Variants in SIPA1L3 observed in about 807,000 individuals in gnomAD.
SIPA1L3 encodes signal-induced proliferation-associated 1-like protein 3.
A neutral mutation model predicts 150.1 loss-of-function variants in SIPA1L3; 59 were observed. That is an observed-to-expected ratio of 0.39 (90% CI 0.32 to 0.49). The LOEUF is 0.49. SIPA1L3 is among the 20% of genes least tolerant of loss of function. The probability of loss-of-function intolerance (pLI) is 0.86; values close to 1 mark genes in which losing one functional copy is unlikely to be tolerated. For missense variants in SIPA1L3, 2,211 were observed against 2,489.5 expected (o/e 0.89, Z 2.38); for synonymous variants, 1,070 against 1,077.6 (o/e 0.99, Z 0.14).
At chr19:37,952,425 C>G (rs1029748435) in intron 1 of SIPA1L3, among the ~76,000 whole-genome samples, 1 of 152,178 alleles carries the variant, frequency 6.6e-6, no homozygotes, top group Non-Finnish European at 1.5e-5. Context: ...GTAATCCTAG[C>G]ACTTTGGGAT....
chr19:38,201,654 C>T (rs1037171829), intron 19 of SIPA1L3, among the ~76,000 whole-genome samples: 12 of 152,192 alleles, frequency 7.9e-5, no homozygotes, highest in African/African-American at 2.4e-4. Flanking sequence ...AAGCCTCGAT[C>T]GGAATCAGGA....
chr19:38,005,914 A>G (rs1967928459), intron 1 of SIPA1L3, among the ~76,000 whole-genome samples: 1 of 152,156 alleles, frequency 6.6e-6, no homozygotes, highest in African/African-American at 2.4e-5. Flanking sequence ...TGGGCATTTT[A>G]GTGTGCACCT....
chr19:38,002,705 G>A (rs368907870), intron 1 of SIPA1L3, among the ~76,000 whole-genome samples: 8 of 112,506 alleles, frequency 7.1e-5, no homozygotes, highest in South Asian at 6.0e-4. Context: ...GTGACAGAGC[G>A]AGACTCCATC....
intron 15 of SIPA1L3, among the ~76,000 whole-genome samples, chr19:38,177,082 C>T (rs1972451421): frequency 6.6e-6 from 1 of 152,124 alleles, no homozygotes; most frequent in Non-Finnish European, 1.5e-5. Context: ...TTTAGCTGGG[C>T]CGGGCGCGGT....
At chr19:38,045,624 G>A (rs1033723239) in intron 2 of SIPA1L3, among the ~76,000 whole-genome samples, 2 of 152,230 alleles carry the variant, frequency 1.3e-5, no homozygotes, top group African/African-American at 4.8e-5. Context: ...ATAACAGGCA[G>A]GAAGGAGGTG....
Position 38,082,594 on chromosome 19 carries a change from C to G in SIPA1L3, c.1029C>G (p.Phe343Leu), listed in dbSNP as rs1484853290. Residue 343 changes from phenylalanine to leucine, a missense_variant, in exon 3 of 22, where the codon TTC (phenylalanine) becomes TTG (leucine). This residue lies in a region of SIPA1L3 where 587 missense variants were observed against 534.5 expected (regional missense o/e 1.10). Transcript: ENST00000222345. The stretch of plus-strand genomic sequence containing the variant: ...TGTGTCAGAAGAGCTTCGCCCACTT[C>G]GACGTGCAGAGCATGCTGTTCGACC... The part of the protein sequence containing the change: ...PWVCQKSFAH[F>L]DVQSMLFDLN... 6.2e-7 allele frequency: 1 copy of G among 1,603,950 alleles called. No homozygotes were observed. Among genetic ancestry groups the G allele is most frequent in the African/African-American group, 1.3e-5 (1 of 74,916 alleles).
In SIPA1L3 at chr19:37,977,239, A is replaced by G. The variant is rs187508409; in HGVS notation, c.-378-51850A>G. Among the ~76,000 whole-genome samples the G allele has an allele frequency of 2.1e-3, 320 of 152,192 alleles. 2 individuals are homozygous for G. The highest frequency in any genetic ancestry group is 5.7e-3 in the African/African-American group (235 of 41,536). On this transcript the variant is annotated intron_variant, in intron 1 of 21. Transcript: ENST00000222345. Reference sequence around the variant, plus strand: ...GAGTGCAGTGGTGTGGTCTTGGCACACTGCAACCTCCACCTCCTGGGTTCA... The same window carrying G: ...GAGTGCAGTGGTGTGGTCTTGGCACGCTGCAACCTCCACCTCCTGGGTTCA...
At chr19:37,993,749 GT>G (rs1368647006) in intron 1 of SIPA1L3, among the ~76,000 whole-genome samples, 9 of 152,292 alleles carry the variant, frequency 5.9e-5, no homozygotes, top group African/African-American at 2.2e-4. Flanking sequence ...TGTCGACCAG[GT>G]GTGATGTTGT....
chr19:37,971,778 G>A (rs570856128), intron 1 of SIPA1L3, among the ~76,000 whole-genome samples: 26 of 152,090 alleles, frequency 1.7e-4, no homozygotes, highest in African/African-American at 6.0e-4. Flanking sequence ...TGTTGCCCAG[G>A]TTGGTCTCGA....
rs767966721 is a variant in SIPA1L3 at position 38,164,854 on chromosome 19, A to C, written c.4156A>C (p.Ser1386Arg). The change falls in exon 15 of 22, where the codon AGC (serine) becomes CGC (arginine). Residue 1386 changes from serine (S) to arginine (R), a missense_variant. Transcript: ENST00000222345. The surrounding 1 kb of genome is among the most constrained non-coding windows in gnomAD (Gnocchi z 4.1). ...YRPKLYSSGS[S>R]TPTGLAGGSR... is the part of the protein sequence containing the mutation. ...ACCGAAGCTGTACTCCTCCGGCTCCAGCACCCCCACGGGACTGGCGGGGGG... is the reference window on the plus strand; with the variant it reads ...ACCGAAGCTGTACTCCTCCGGCTCCCGCACCCCCACGGGACTGGCGGGGGG... 3.1e-6 allele frequency: 5 copies of C among 1,589,516 alleles called. No homozygotes were observed. In the South Asian group the frequency reaches 4.5e-5, roughly 14 times the overall value.
chr19:38,083,166 C>G, intron 3 of SIPA1L3, 67 bp downstream of exon 3: 3 of 1,402,756 alleles, frequency 2.1e-6, no homozygotes, highest in Non-Finnish European at 2.9e-6. Flanking sequence ...CCCCACTACT[C>G]ATTCATTCAC....
intron 3 of SIPA1L3, among the ~76,000 whole-genome samples, chr19:38,084,285 C>T (rs961249624): frequency 6.6e-6 from 1 of 152,106 alleles, no homozygotes; most frequent in Admixed American, 6.5e-5. Flanking sequence ...CCCTTATGCC[C>T]TTATGCCTAG....
chr19:38,107,844 G>T (rs1261615086), intron 7 of SIPA1L3, among the ~76,000 whole-genome samples: 1 of 152,100 alleles, frequency 6.6e-6, no homozygotes, highest in African/African-American at 2.4e-5. Context: ...AGGCATGGTG[G>T]CGTGTGCCTA....
intron 1 of SIPA1L3, among the ~76,000 whole-genome samples, chr19:37,909,461 G>A (rs2145460587): frequency 6.6e-6 from 1 of 152,058 alleles, no homozygotes; most frequent in Middle Eastern, 3.4e-3. Flanking sequence ...TACCCATTTT[G>A]GCCTCCCAAA....
At chr19:38,037,450 C>T (rs1287144177) in intron 2 of SIPA1L3, among the ~76,000 whole-genome samples, 1 of 152,160 alleles carries the variant, frequency 6.6e-6, no homozygotes, top group African/African-American at 2.4e-5. Context: ...TGTGTAACTG[C>T]AGGGTCAAGA....
chr19:37,920,138 C>A lies in SIPA1L3; in HGVS notation c.-379+12780C>A, dbSNP rs185537190. The stretch of plus-strand genomic sequence containing the variant: ...ACAGTGGCATGATCATAGCTCCCTG[C>A]AGCCTCTACCTCCTGGGCTCAAGCG... On this transcript the variant is annotated intron_variant, in intron 1 of 21. Transcript: ENST00000222345. Among the ~76,000 whole-genome samples, 343 of 151,752 alleles carry A rather than the reference C, an allele frequency of 2.3e-3. 1 individual carries two copies. The highest frequency in any genetic ancestry group is 7.9e-3 in the African/African-American group (327 of 41,366).
chr19:37,969,312 G>T (rs2145589701), intron 1 of SIPA1L3, among the ~76,000 whole-genome samples: 1 of 152,282 alleles, frequency 6.6e-6, no homozygotes, highest in South Asian at 2.1e-4. Context: ...AGCACTTTGG[G>T]AGGCCAAGGC....
In SIPA1L3 at chr19:38,193,529, C is replaced by T; in HGVS notation, c.4597-8C>T. ...GACCTCCCCCAACATCCCACCCACGCCCCACAGCAGTCACCGCAGAAGGGC... is the reference window on the plus strand; with the variant it reads ...GACCTCCCCCAACATCCCACCCACGTCCCACAGCAGTCACCGCAGAAGGGC... On this transcript the variant is annotated splice_region_variant and splice_polypyrimidine_tract_variant and intron_variant, in intron 17 of 21. Coordinates refer to ENST00000222345, the MANE Select transcript of SIPA1L3 (RefSeq NM_015073.3). The T allele has an allele frequency of 6.8e-7, 1 of 1,459,904 alleles. No individual in the cohort carries two copies. Among genetic ancestry groups the T allele is most frequent in the Non-Finnish European group, 9.0e-7 (1 of 1,113,818 alleles). 90.4% of individuals were successfully genotyped at this position (1,459,904 alleles called of 1,614,324 possible). A position where few individuals can be genotyped will look rare whatever the true frequency, so the allele number is the denominator to read the frequency against.
chr19:38,064,168 C>G (rs1166285804), intron 2 of SIPA1L3, among the ~76,000 whole-genome samples: 1 of 152,262 alleles, frequency 6.6e-6, no homozygotes, highest in African/African-American at 2.4e-5. Context: ...CTGGAACAAG[C>G]TGCTTCATCC....
Sources: allele counts gnomAD v4.1 joint callset (sites outside exome capture counted in the v4.1 genomes callset), GRCh38; gene constraint gnomAD v4.1.1; regional missense constraint gnomAD v4.1.1; non-coding constraint Gnocchi (gnomAD v3.1); transcripts MANE v1.5; gene names NCBI Gene and HGNC (gene_info 2026-07-23, HGNC 2026-07-21).